The following ARB2A variants were observed in gnomAD, a reference collection of about 807,000 sequenced individuals.
ARB2A encodes cotranscriptional regulator ARB2A.
chr5:93,738,890 T>C, the ARB2A span: 2 of 152,244 alleles, frequency 1.3e-5, no homozygotes, highest in Non-Finnish European at 2.9e-5. Flanking sequence ...ATTGTGAATG[T>C]AATTAATGTC....
chr5:94,106,277 A>G, the ARB2A span, among the ~76,000 whole-genome samples: 3 of 152,098 alleles, frequency 2.0e-5, no homozygotes, highest in African/African-American at 7.2e-5. Context: ...GAACTTAAAC[A>G]AATTAAAAAG....
the ARB2A span, among the ~76,000 whole-genome samples, chr5:93,841,065 T>C: frequency 6.6e-6 from 1 of 152,112 alleles, no homozygotes. Context: ...AAGTAAACAT[T>C]GACAATCCTA....
the ARB2A span, among the ~76,000 whole-genome samples, chr5:93,684,112 G>T: frequency 1.1e-4 from 17 of 152,220 alleles, no homozygotes; most frequent in East Asian, 3.3e-3. Flanking sequence ...GTAACTCAGG[G>T]CCTAGGACTG....
At chr5:93,968,733 T>A in the ARB2A span, among the ~76,000 whole-genome samples, 4 of 151,900 alleles carry the variant, frequency 2.6e-5, no homozygotes, top group Non-Finnish European at 4.4e-5. Flanking sequence ...TCAAGCTGGA[T>A]AAATAAAACA....
At chr5:93,841,930 T>G in the ARB2A span, among the ~76,000 whole-genome samples, 1 of 152,228 alleles carries the variant, frequency 6.6e-6, no homozygotes, top group Non-Finnish European at 1.5e-5. Context: ...ATGTGTCGTT[T>G]TCCTTCAATA....
chr5:93,995,567 G>C, the ARB2A span, among the ~76,000 whole-genome samples: 1 of 152,114 alleles, frequency 6.6e-6, no homozygotes, highest in African/African-American at 2.4e-5. Context: ...TATTTTATTG[G>C]TAAGGCTCCC....
At chr5:93,671,629 T>G in the ARB2A span, among the ~76,000 whole-genome samples, 3 of 152,040 alleles carry the variant, frequency 2.0e-5, no homozygotes, top group African/African-American at 7.2e-5. Context: ...ACAAAAAAAT[T>G]TTTGGACATT....
chr5:93,742,263 C>T, the ARB2A span, among the ~76,000 whole-genome samples: 1 of 152,118 alleles, frequency 6.6e-6, no homozygotes, highest in Non-Finnish European at 1.5e-5. Flanking sequence ...CCCATTCTAA[C>T]CCAGCTTCTT....
At chr5:93,951,037 T>C in the ARB2A span, among the ~76,000 whole-genome samples, 2 of 152,048 alleles carry the variant, frequency 1.3e-5, no homozygotes, top group African/African-American at 4.8e-5. Flanking sequence ...TGGAGTGAGA[T>C]GACATGTCAT....
chr5:93,923,602 G>C, the ARB2A span, among the ~76,000 whole-genome samples: 1 of 152,134 alleles, frequency 6.6e-6, no homozygotes, highest in African/African-American at 2.4e-5. Context: ...TTGAGCTCAG[G>C]AGCTCAAGAC....
At chr5:93,796,671 T>C in the ARB2A span, among the ~76,000 whole-genome samples, 1 of 152,200 alleles carries the variant, frequency 6.6e-6, no homozygotes, top group African/African-American at 2.4e-5. Flanking sequence ...AAGAAACTTC[T>C]ATTCAACTAA....
At chr5:93,693,417 T>C in the ARB2A span, among the ~76,000 whole-genome samples, 1 of 152,052 alleles carries the variant, frequency 6.6e-6, no homozygotes, top group Admixed American at 6.5e-5. Context: ...CAGAGAATAC[T>C]ATAAACACCT....
chr5:93,697,717 G>A, the ARB2A span, among the ~76,000 whole-genome samples: 2 of 152,020 alleles, frequency 1.3e-5, no homozygotes, highest in Non-Finnish European at 2.9e-5. Flanking sequence ...CTGCTGTTAC[G>A]AGCGCAATGT....
chr5:93,857,367 G>C, the ARB2A span, among the ~76,000 whole-genome samples: 1 of 152,220 alleles, frequency 6.6e-6, no homozygotes, highest in African/African-American at 2.4e-5. Context: ...CTTTTTGTTT[G>C]TCTGTGCCCT....
At chr5:93,943,442 C>T in the ARB2A span, among the ~76,000 whole-genome samples, 1 of 151,874 alleles carries the variant, frequency 6.6e-6, no homozygotes, top group African/African-American at 2.4e-5. Flanking sequence ...TTCTCTGAGC[C>T]CTTAAACAAG....
At chr5:93,672,528 T>TC in the ARB2A span, among the ~76,000 whole-genome samples, 1 of 152,102 alleles carries the variant, frequency 6.6e-6, no homozygotes, top group Non-Finnish European at 1.5e-5. Context: ...CAGGATGGTC[T>TC]CAATCTCCTG....
the ARB2A span, among the ~76,000 whole-genome samples, chr5:94,103,343 A>G: frequency 1.3e-5 from 2 of 152,288 alleles, no homozygotes; most frequent in East Asian, 3.9e-4. Flanking sequence ...GCAAACAGAA[A>G]ACAAAAAAGA....
the ARB2A span, among the ~76,000 whole-genome samples, chr5:93,644,944 T>C: frequency 6.6e-6 from 1 of 152,244 alleles, no homozygotes; most frequent in African/African-American, 2.4e-5. Flanking sequence ...GATGAGTATT[T>C]GCTCTGGGCT....
the ARB2A span, among the ~76,000 whole-genome samples, chr5:93,762,758 C>T: frequency 3.3e-5 from 5 of 152,068 alleles, no homozygotes; most frequent in African/African-American, 1.2e-4. Context: ...GTCAGATTCA[C>T]CAAAGTTGAA....
Sources: gnomAD v4.1 joint callset for allele counts (sites outside exome capture counted in the v4.1 genomes callset) on GRCh38, gnomAD v4.1.1 for gene constraint, MANE v1.5 for transcripts, NCBI Gene and HGNC (gene_info 2026-07-23, HGNC 2026-07-21) for gene names.